Variants in SMIM41 observed in about 807,000 individuals in gnomAD.
SMIM41 encodes the protein small integral membrane protein 41.
At chr12:52,090,401 C>G (rs1939978367) in intron 2 of SMIM41, among the ~76,000 whole-genome samples, 1 of 133,846 alleles carries the variant, frequency 7.5e-6, no homozygotes, top group South Asian at 2.3e-4. Context: ...GTTATTAGAG[C>G]AAAGACCTGA....
chr12:52,087,178 C>T (rs1043527757), intron 2 of SMIM41, among the ~76,000 whole-genome samples: 4 of 152,194 alleles, frequency 2.6e-5, no homozygotes, highest in Non-Finnish European at 4.4e-5. Flanking sequence ...AGAGGAGGGC[C>T]GGGCCTCCGC....
At chr12:52,083,501 C>A (rs911440501) in intron 1 of SMIM41, among the ~76,000 whole-genome samples, 12 of 152,186 alleles carry the variant, frequency 7.9e-5, no homozygotes, top group Non-Finnish European at 1.3e-4. Flanking sequence ...TCAGTGGTGG[C>A]TTTTCCCCTT....
rs946475380 is a variant in SMIM41, at chr12:52,081,619, A to G, written c.*120+1438A>G. On this transcript the variant is annotated intron_variant, in intron 1 of 2. Transcript: ENST00000546390. This position sits in a 1 kb window ranked among gnomAD's most constrained non-coding sequence, Gnocchi z 4.1. ...CTGGCACAGGCAGGGGGCTGGGCCC[A>G]GGGGACATTCCCCCCTCCCTTTGCT... Among the ~76,000 whole-genome samples the G allele has an allele frequency of 1.2e-4, 18 of 152,182 alleles. No homozygotes were observed. Among genetic ancestry groups the G allele is most frequent in the Admixed American group, 3.9e-4 (6 of 15,298 alleles).
intron 1 of SMIM41, among the ~76,000 whole-genome samples, chr12:52,083,666 G>T (rs1382804925): frequency 6.6e-6 from 1 of 152,224 alleles, no homozygotes; most frequent in Non-Finnish European, 1.5e-5. Flanking sequence ...TCAGAGTCCA[G>T]CCTGAGCCTC....
intron 2 of SMIM41, among the ~76,000 whole-genome samples, chr12:52,096,786 ATAT>A (rs200585239): frequency 0.023 from 3,556 of 151,960 alleles, 62 homozygotes; most frequent in South Asian, 0.073. Flanking sequence ...TTAATAATTG[ATAT>A]TATTAATTGC....
chr12:52,101,776 A>G (rs1028930412), intron 2 of SMIM41, among the ~76,000 whole-genome samples: 45 of 148,654 alleles, frequency 3.0e-4, no homozygotes, highest in African/African-American at 9.2e-4. Context: ...GTAGTGGTGC[A>G]GTCTTGGCTC....
intron 2 of SMIM41, among the ~76,000 whole-genome samples, chr12:52,098,475 A>G (rs541696752): frequency 2.2e-4 from 33 of 150,052 alleles, no homozygotes; most frequent in African/African-American, 7.7e-4. Context: ...GAGTAATATC[A>G]TCGTCTCCCC....
In SMIM41 at chr12:52,087,879, C is replaced by A. The variant is rs549729058; in HGVS notation, c.*195+3911C>A. 2.6e-5 allele frequency among the ~76,000 whole-genome samples: 4 copies of A among 152,244 alleles called. No homozygotes were observed. The South Asian group carries it at 8.3e-4, about 32-fold the overall frequency. ...CAGTCTCTCCTTGAGAGTCTTGTAC[C>A]AGGGTTTCCTCTTTCCTGTCCCAAC... On this transcript the variant is annotated intron_variant, in intron 2 of 2. Coordinates refer to ENST00000546390, the MANE Select transcript of SMIM41 (RefSeq NM_001369216.1).
chr12:52,099,436 T>C (rs1405518864), intron 2 of SMIM41, among the ~76,000 whole-genome samples: 1 of 151,432 alleles, frequency 6.6e-6, no homozygotes, highest in Non-Finnish European at 1.5e-5. Flanking sequence ...TCCTGGGATA[T>C]TGGTGTAAAA....
intron 2 of SMIM41, among the ~76,000 whole-genome samples, chr12:52,098,740 G>C (rs571202224): frequency 4.0e-5 from 5 of 123,962 alleles, no homozygotes; most frequent in African/African-American, 1.9e-4. Flanking sequence ...ATCACGGGGG[G>C]GGGGGTGTAC....
Position 52,102,749 on chromosome 12 carries a change from T to G in SMIM41, c.*196-4630T>G, listed in dbSNP as rs556566097. On this transcript the variant is annotated intron_variant, in intron 2 of 2. Coordinates refer to ENST00000546390, the MANE Select transcript of SMIM41 (RefSeq NM_001369216.1). ...AGAGGGAAGTAGGAATGCTCGAATA[T>G]GATTGGAGGGAATGTAAAACCATGA... Among the ~76,000 whole-genome samples, 47 of 152,262 alleles carry G rather than the reference T, an allele frequency of 3.1e-4. 1 individual carries two copies. The South Asian group carries it at 5.2e-3, about 17-fold the overall frequency.
intron 2 of SMIM41, among the ~76,000 whole-genome samples, chr12:52,086,077 T>C (rs1939887961): frequency 6.6e-6 from 1 of 152,216 alleles, no homozygotes; most frequent in Non-Finnish European, 1.5e-5. Context: ...GACGCAGCCC[T>C]GTTGGACCAC....
At position 52,101,385 on chromosome 12, in the gene SMIM41, T is replaced by C. The variant is rs375618925; in HGVS notation, c.*196-5994T>C. 2.6e-4 allele frequency among the ~76,000 whole-genome samples: 39 copies of C among 152,246 alleles called. No homozygotes were observed. The South Asian group carries it at 8.1e-3, about 32-fold the overall frequency. ...GGTTGCAGTGAGCCCGGATTGTGCC[T>C]GTATACTCCAACCTGGGCAACAGAA... On this transcript the variant is annotated intron_variant, in intron 2 of 2. Transcript: ENST00000546390.
intron 2 of SMIM41, among the ~76,000 whole-genome samples, chr12:52,095,118 A>T (rs112493660): frequency 0.034 from 4,684 of 138,938 alleles, 83 homozygotes; most frequent in South Asian, 0.075. Flanking sequence ...CTTAATTAAA[A>T]TTTTTTTTTT....
intron 2 of SMIM41, chr12:52,091,955 C>G (rs1351349188): frequency 6.6e-6 from 1 of 152,212 alleles, no homozygotes; most frequent in Non-Finnish European, 1.5e-5. Flanking sequence ...TCAAATAATT[C>G]CAAAATGTTT....
intron 2 of SMIM41, among the ~76,000 whole-genome samples, chr12:52,098,839 A>G (rs780588995): frequency 4.0e-5 from 6 of 151,756 alleles, no homozygotes; most frequent in Middle Eastern, 3.4e-3. Context: ...ATTCCCTGTG[A>G]TATTCAACGT....
rs1046937201 is a variant in SMIM41 at position 52,099,519 on chromosome 12, G to T, written c.*196-7860G>T. Among the ~76,000 whole-genome samples the T allele has an allele frequency of 2.6e-5, 4 of 151,938 alleles. No homozygotes were observed. The South Asian group carries it at 6.2e-4, about 24-fold the overall frequency. On this transcript the variant is annotated intron_variant, in intron 2 of 2. Coordinates refer to ENST00000546390, the MANE Select transcript of SMIM41 (RefSeq NM_001369216.1). ...TAGGAACAGTATCACGGGGTGGGGG[G>T]TGTACATCCGTGCGATATTGAAAGT...
intron 2 of SMIM41, among the ~76,000 whole-genome samples, chr12:52,104,673 CGG>C (rs111290671): frequency 1.4e-5 from 2 of 146,556 alleles, no homozygotes; most frequent in African/African-American, 5.2e-5. Context: ...TGGTTATGGT[CGG>C]GGGGGGGCGG....
intron 2 of SMIM41, among the ~76,000 whole-genome samples, chr12:52,095,322 G>A (rs776291209): frequency 6.6e-6 from 1 of 150,812 alleles, no homozygotes; most frequent in African/African-American, 2.4e-5. Flanking sequence ...GCAGGGGGGC[G>A]GGCGCCCCCC....
Sources: allele counts gnomAD v4.1 joint callset (sites outside exome capture counted in the v4.1 genomes callset), GRCh38; gene constraint gnomAD v4.1.1; non-coding constraint Gnocchi (gnomAD v3.1); transcripts MANE v1.5; gene names NCBI Gene and HGNC (gene_info 2026-07-23, HGNC 2026-07-21).